The following TBCA variants were observed in gnomAD, a reference collection of about 807,000 sequenced individuals.
TBCA encodes the protein tubulin folding cofactor A.
In TBCA, 6 loss-of-function variants were observed where a neutral mutation model predicts 15.8. That is an observed-to-expected ratio of 0.38 (90% CI 0.21 to 0.75). The LOEUF is 0.75. Among genes scored for constraint, TBCA ranks in the 30% least tolerant of loss-of-function variants. TBCA has a pLI of 0.46. For missense variants in TBCA, 90 were observed against 131.2 expected, an observed-to-expected ratio of 0.69 and a Z score of 1.53; for synonymous variants, 32 against 42.3, an observed-to-expected ratio of 0.76 and a Z score of 0.94.
At chr5:77,701,219 AAAAC>A (rs1203879726) in intron 2 of TBCA, among the ~76,000 whole-genome samples, 3 of 152,152 alleles carry the variant, frequency 2.0e-5, no homozygotes, top group East Asian at 1.9e-4. Flanking sequence ...TAGCAAGAAA[AAAAC>A]AAACAATCCC....
At chr5:77,743,321 T>C (rs1747093297) in intron 1 of TBCA, among the ~76,000 whole-genome samples, 1 of 152,218 alleles carries the variant, frequency 6.6e-6, no homozygotes. Flanking sequence ...TTAATCTGTA[T>C]GTTAGCCAGT....
chr5:77,696,826 G>T (rs1041813688), intron 2 of TBCA, among the ~76,000 whole-genome samples: 1 of 152,222 alleles, frequency 6.6e-6, no homozygotes, highest in Non-Finnish European at 1.5e-5. Context: ...GCTGAGGCAG[G>T]AGGATTACTT....
chr5:77,766,629 C>T lies in TBCA; in HGVS notation c.53+9576G>A, dbSNP rs1362930999. On this transcript the variant is annotated intron_variant, in intron 1 of 3. Transcript: ENST00000380377. The stretch of plus-strand genomic sequence containing the variant: ...GGTTCACGCCATTCTCCTGCCTCAG[C>T]CTCCCGAGTAGCTGGGACCACAGGC... Among the ~76,000 whole-genome samples, 150 of 83,420 alleles carry T rather than the reference C, an allele frequency of 1.8e-3. 51 individuals are homozygous for T. Among genetic ancestry groups the T allele is most frequent in the Admixed American group, 2.3e-3 (18 of 7,834 alleles). 54.7% of individuals were successfully genotyped at this position (83,420 alleles called of 152,430 possible). A position where few individuals can be genotyped will look rare whatever the true frequency, so the allele number is the denominator to read the frequency against.
rs937309914 is a variant in TBCA, at chr5:77,776,285, G to C, written c.-28C>G. The C allele has an allele frequency of 2.6e-6, 4 of 1,568,246 alleles. No individual in the cohort carries two copies. Among genetic ancestry groups the C allele is most frequent in the African/African-American group, 1.4e-5 (1 of 73,798 alleles). ...TCCCTCGAGCGCCGCGAGAAGGAGGGGCGGAGAGCCGGGGTAACCGTGGAG... is the reference window on the plus strand; with the variant it reads ...TCCCTCGAGCGCCGCGAGAAGGAGGCGCGGAGAGCCGGGGTAACCGTGGAG... On this transcript the variant is annotated 5_prime_UTR_variant, in exon 1 of 4. Transcript: ENST00000380377.
At chr5:77,747,335 A>G (rs942260684) in intron 1 of TBCA, among the ~76,000 whole-genome samples, 8 of 152,146 alleles carry the variant, frequency 5.3e-5, no homozygotes, top group African/African-American at 1.9e-4. Flanking sequence ...TATTCATTTC[A>G]AATAACTTCT....
chr5:77,737,627 G>C (rs1042097121), intron 1 of TBCA, among the ~76,000 whole-genome samples: 2 of 151,966 alleles, frequency 1.3e-5, no homozygotes, highest in Admixed American at 1.3e-4. Flanking sequence ...TGATCCCTCG[G>C]GTATGCTGCA....
intron 1 of TBCA, among the ~76,000 whole-genome samples, chr5:77,739,693 G>T (rs1005305649): frequency 6.6e-6 from 1 of 152,098 alleles, no homozygotes; most frequent in Non-Finnish European, 1.5e-5. Flanking sequence ...AATTTGTCCC[G>T]TCTTAACTAT....
chr5:77,741,207 T>C (rs1165848471), intron 1 of TBCA, among the ~76,000 whole-genome samples: 1 of 152,190 alleles, frequency 6.6e-6, no homozygotes, highest in African/African-American at 2.4e-5. Context: ...ATAATTCCTT[T>C]GCCAAGTGTG....
chr5:77,757,144 G>A (rs745381661), intron 1 of TBCA, among the ~76,000 whole-genome samples: 5 of 152,078 alleles, frequency 3.3e-5, no homozygotes, highest in African/African-American at 1.2e-4. Context: ...ATCTGACCAC[G>A]TCAGGTAGAG....
chr5:77,749,135 T>C (rs757622956), intron 1 of TBCA, among the ~76,000 whole-genome samples: 1 of 152,210 alleles, frequency 6.6e-6, no homozygotes, highest in Non-Finnish European at 1.5e-5. Context: ...GTTTACATTA[T>C]TGCACTAAAC....
intron 1 of TBCA, among the ~76,000 whole-genome samples, chr5:77,769,178 T>A (rs980026992): frequency 2.6e-5 from 4 of 152,206 alleles, no homozygotes; most frequent in Non-Finnish European, 5.9e-5. Flanking sequence ...CTGCAATCCA[T>A]TTTGACATGG....
intron 1 of TBCA, among the ~76,000 whole-genome samples, chr5:77,712,234 AT>A (rs1409116869): frequency 6.6e-6 from 1 of 152,164 alleles, no homozygotes; most frequent in Non-Finnish European, 1.5e-5. Context: ...AGTGTATGAA[AT>A]TTCCTACTTC....
chr5:77,753,142 GA>G (rs34367083), intron 1 of TBCA, among the ~76,000 whole-genome samples: 10,840 of 150,926 alleles, frequency 0.072, 542 homozygotes, highest in African/African-American at 0.14. Context: ...CAGTGGGGGA[GA>G]AAAAAAAATG....
chr5:77,704,633 C>G (rs1374770318), intron 2 of TBCA, among the ~76,000 whole-genome samples: 2 of 151,956 alleles, frequency 1.3e-5, no homozygotes, highest in Non-Finnish European at 2.9e-5. Context: ...CAGGCAATCA[C>G]AAACAGAGCA....
chr5:77,702,406 T>C (rs1746038143), intron 2 of TBCA, among the ~76,000 whole-genome samples: 2 of 152,090 alleles, frequency 1.3e-5, no homozygotes. Flanking sequence ...TTATATAAAA[T>C]AGAAAAAGCC....
intron 3 of TBCA, chr5:77,692,209 G>C: frequency 3.0e-6 from 3 of 985,190 alleles, no homozygotes; most frequent in Non-Finnish European, 2.4e-6. Flanking sequence ...GTCAATAAAA[G>C]ATGGAGATAT....
chr5:77,758,592 T>C (rs1038848624), intron 1 of TBCA, among the ~76,000 whole-genome samples: 1 of 152,184 alleles, frequency 6.6e-6, no homozygotes, highest in African/African-American at 2.4e-5. Context: ...TCTGAGAGGT[T>C]TTGTCCACGG....
At chr5:77,718,630 A>G (rs1340210177) in intron 1 of TBCA, among the ~76,000 whole-genome samples, 1 of 152,208 alleles carries the variant, frequency 6.6e-6, no homozygotes, top group Non-Finnish European at 1.5e-5. Context: ...TGGTCATTAT[A>G]AAGTCCTAAG....
intron 1 of TBCA, among the ~76,000 whole-genome samples, chr5:77,747,331 T>C (rs1747210503): frequency 6.6e-6 from 1 of 152,108 alleles, no homozygotes; most frequent in Admixed American, 6.5e-5. Flanking sequence ...CATTTATTCA[T>C]TTCAAATAAC....
Sources: gnomAD v4.1 joint callset for allele counts (sites outside exome capture counted in the v4.1 genomes callset) on GRCh38, gnomAD v4.1.1 for gene constraint, MANE v1.5 for transcripts, NCBI Gene and HGNC (gene_info 2026-07-23, HGNC 2026-07-21) for gene names.